The following KREMEN1 variants were observed in gnomAD, a reference collection of about 807,000 sequenced individuals.
KREMEN1 encodes the protein kringle containing transmembrane protein 1.
In KREMEN1, 30 loss-of-function variants were observed where a neutral mutation model predicts 46.5. The ratio of observed to expected loss-of-function variants is 0.65; its 90% CI spans 0.48 to 0.88. KREMEN1 has a LOEUF of 0.88. Ranked by LOEUF, KREMEN1 falls within the 40% of genes least tolerant of loss-of-function variation. The pLI is 0.00. For missense variants in KREMEN1, 533 were observed against 596.9 expected (o/e 0.89, Z 1.11); for synonymous variants, 214 against 230.6 (o/e 0.93, Z 0.65).
At chr22:29,165,857 T>C (rs1047038438) in intron 9 of KREMEN1, among the ~76,000 whole-genome samples, 3 of 152,170 alleles carry the variant, frequency 2.0e-5, no homozygotes, top group Non-Finnish European at 4.4e-5. Flanking sequence ...TCTCAGACTC[T>C]CACACAGGTC....
chr22:29,167,804 G>A (rs141174664), exon 10 of KREMEN1: 1 of 152,216 alleles, frequency 6.6e-6, no homozygotes, highest in Non-Finnish European at 1.5e-5. Flanking sequence ...GACTTCACAG[G>A]AAGCAGGATT....
rs570580102 is a variant in KREMEN1, at chr22:29,119,393, A to T, written c.353-1964A>T. 3.5e-3 allele frequency among the ~76,000 whole-genome samples: 531 copies of T among 152,298 alleles called. 7 individuals are homozygous for T. Among genetic ancestry groups the T allele is most frequent in the Non-Finnish European group, 4.1e-3 (277 of 68,024 alleles). On this transcript the variant is annotated intron_variant, in intron 3 of 8. Transcript: ENST00000400335. ...ACGATGGCTTCATTACATAGGCATG[A>T]TTGATTATTAACTCAATTTCTAGAC...
Position 29,146,466 on chromosome 22 carries a change from G to A in KREMEN1, c.*4354G>A, listed in dbSNP as rs746798645. The A allele has an allele frequency of 5.1e-6, 5 of 985,428 alleles. No individual in the cohort carries two copies. Among genetic ancestry groups the A allele is most frequent in the Non-Finnish European group, 6.0e-6 (5 of 829,970 alleles). 61.0% of individuals were successfully genotyped at this position (985,428 alleles called of 1,614,324 possible). Reference sequence around the variant, plus strand: ...AGGGAAATCTGCTTCAGAAAGGAAGGGTCTTTAGACACAAAGACTGGAGGC... The same window carrying A: ...AGGGAAATCTGCTTCAGAAAGGAAGAGTCTTTAGACACAAAGACTGGAGGC... On this transcript the variant is annotated 3_prime_UTR_variant, in exon 9 of 9. Coordinates refer to ENST00000400335, the MANE Select transcript of KREMEN1 (RefSeq NM_001039570.3).
At chr22:29,096,112 T>C (rs369998149) in intron 2 of KREMEN1, among the ~76,000 whole-genome samples, 10 of 152,218 alleles carry the variant, frequency 6.6e-5, no homozygotes, top group African/African-American at 1.7e-4. Context: ...AATTTATTTT[T>C]TGCATAAATT....
At chr22:29,090,019 C>G (rs1200319182) in intron 1 of KREMEN1, among the ~76,000 whole-genome samples, 1 of 152,206 alleles carries the variant, frequency 6.6e-6, no homozygotes, top group Non-Finnish European at 1.5e-5. Flanking sequence ...ATCTGATGTT[C>G]ATTTTGATCA....
intron 5 of KREMEN1, among the ~76,000 whole-genome samples, chr22:29,125,643 C>T (rs5997443): frequency 0.051 from 7,761 of 152,252 alleles, 672 homozygotes; most frequent in African/African-American, 0.18. Flanking sequence ...TCATGCCAAA[C>T]GGTTTGAAGC....
At chr22:29,085,993 C>T (rs983574409) in intron 1 of KREMEN1, among the ~76,000 whole-genome samples, 1 of 146,672 alleles carries the variant, frequency 6.8e-6, no homozygotes, top group East Asian at 2.0e-4. Context: ...TGCCTAAGTG[C>T]CTCTCAGAGG....
intron 9 of KREMEN1, among the ~76,000 whole-genome samples, chr22:29,153,567 C>T (rs2145869360): frequency 6.6e-6 from 1 of 152,154 alleles, no homozygotes; most frequent in South Asian, 2.1e-4. Flanking sequence ...CTATGTTGCC[C>T]AGGTTAGTCT....
At position 29,146,440 on chromosome 22, in the gene KREMEN1, G is replaced by C. The variant is rs960668488; in HGVS notation, c.*4328G>C. The stretch of plus-strand genomic sequence containing the variant: ...AGAAGTGGGGTGTGGAGGAAAGTCA[G>C]AGGGAAATCTGCTTCAGAAAGGAAG... On this transcript the variant is annotated 3_prime_UTR_variant, in exon 9 of 9. Coordinates refer to ENST00000400335, the MANE Select transcript of KREMEN1 (RefSeq NM_001039570.3). 8 of 985,684 alleles carry C rather than the reference G, an allele frequency of 8.1e-6. No homozygotes were observed. The highest frequency in any genetic ancestry group is 1.0e-3 in the Middle Eastern group (2 of 1,916). The allele number at this position is 985,684 out of a possible 1,614,324, so 61.1% of individuals were successfully genotyped here. A position where few individuals can be genotyped will look rare whatever the true frequency, so the allele number is the denominator to read the frequency against.
chr22:29,107,322 C>G (rs187996685), intron 3 of KREMEN1, among the ~76,000 whole-genome samples: 180 of 146,010 alleles, frequency 1.2e-3, no homozygotes, highest in African/African-American at 4.3e-3. Context: ...CTTCTGGTTT[C>G]AAGAGATTCT....
At chr22:29,152,907 G>T (rs762075646) in intron 9 of KREMEN1, among the ~76,000 whole-genome samples, 3 of 152,296 alleles carry the variant, frequency 2.0e-5, no homozygotes, top group Non-Finnish European at 4.4e-5. Flanking sequence ...AATAAAGGAG[G>T]GCTACTCCAT....
chr22:29,101,092 A>G (rs1187011291), intron 3 of KREMEN1, among the ~76,000 whole-genome samples: 1 of 152,114 alleles, frequency 6.6e-6, no homozygotes, highest in Non-Finnish European at 1.5e-5. Context: ...TCTCTACTAA[A>G]AATACAAAAA....
chr22:29,142,260 G>A lies in KREMEN1; in HGVS notation c.*148G>A. ...GGGAAACCCTCCTCCTACAGACTAG[G>A]AAGAGGCACCCTGCTGCCAGGGCAG... is the stretch of plus-strand genomic sequence containing the variant. On this transcript the variant is annotated 3_prime_UTR_variant, in exon 9 of 9. Coordinates refer to ENST00000400335, the MANE Select transcript of KREMEN1 (RefSeq NM_001039570.3). The A allele has an allele frequency of 2.2e-6, 3 of 1,348,308 alleles. No homozygotes were observed. In the South Asian group the frequency reaches 6.4e-5, roughly 29 times the overall value. The allele number at this position is 1,348,308 out of a possible 1,614,324, so 83.5% of individuals were successfully genotyped here. A position where few individuals can be genotyped will look rare whatever the true frequency, so the allele number is the denominator to read the frequency against.
At chr22:29,156,905 T>A (rs1264746213) in intron 9 of KREMEN1, among the ~76,000 whole-genome samples, 1 of 152,230 alleles carries the variant, frequency 6.6e-6, no homozygotes, top group Non-Finnish European at 1.5e-5. Context: ...TTTTTATAGA[T>A]GAGGAAATTG....
At chr22:29,132,754 G>A (rs553248714) in intron 5 of KREMEN1, among the ~76,000 whole-genome samples, 3 of 152,186 alleles carry the variant, frequency 2.0e-5, no homozygotes, top group South Asian at 2.1e-4. Context: ...GCTATTGTTC[G>A]AAAAAGCTTT....
At chr22:29,086,458 C>G (rs1032429059) in intron 1 of KREMEN1, among the ~76,000 whole-genome samples, 12 of 152,204 alleles carry the variant, frequency 7.9e-5, no homozygotes, top group African/African-American at 2.9e-4. Context: ...GTAGAAATCA[C>G]TGCTCTTGGA....
chr22:29,150,212 A>G (rs2038904177), downstream of KREMEN1, among the ~76,000 whole-genome samples: 2 of 95,780 alleles, frequency 2.1e-5, no homozygotes, highest in Non-Finnish European at 5.1e-5. Context: ...GCCTATGCCC[A>G]GCAACTGGTG....
intron 5 of KREMEN1, among the ~76,000 whole-genome samples, chr22:29,134,814 G>T (rs556237315): frequency 6.6e-6 from 1 of 152,128 alleles, no homozygotes; most frequent in East Asian, 1.9e-4. Context: ...TAGAGTACCC[G>T]TGAGTTTTCC....
exon 10 of KREMEN1, chr22:29,167,053 G>A: frequency 1.3e-6 from 2 of 1,551,538 alleles, no homozygotes; most frequent in Non-Finnish European, 1.7e-6. Flanking sequence ...GGCAATTCAG[G>A]ACTCGGAAGT....
Sources: gnomAD v4.1 joint callset for allele counts (sites outside exome capture counted in the v4.1 genomes callset) on GRCh38, gnomAD v4.1.1 for gene constraint, MANE v1.5 for transcripts, NCBI Gene and HGNC (gene_info 2026-07-23, HGNC 2026-07-21) for gene names.